ADCY9: variants seen among roughly 807,000 people sequenced by gnomAD.
The protein encoded by ADCY9 is adenylate cyclase type 9.
ADCY9 carries 50 observed loss-of-function variants against 101.5 expected under a neutral mutation model. The observed-to-expected ratio is 0.49, with a 90% CI of 0.39 to 0.62. The LOEUF (loss-of-function observed/expected upper bound fraction) is 0.62, where lower values mean the gene tolerates loss of function less well. ADCY9 is among the 20% of genes least tolerant of loss of function. ADCY9 has a pLI of 0.00. For missense variants in ADCY9, 1,662 were observed against 1,800.4 expected (o/e 0.92, Z 1.39); for synonymous variants, 905 against 769.3 (o/e 1.18, Z -2.92).
At position 4,116,088 on chromosome 16, in the gene ADCY9, G is replaced by T. The variant is rs1315066858; in HGVS notation, c.-442C>A. ...CCCGCGGCGGCGGGCGCTGGGGGTG[G>T]GGGCGCCCCGGGCTGCGAGTGCGCG... On this transcript the variant is annotated 5_prime_UTR_variant, in exon 1 of 11. Transcript: ENST00000294016. 2 of 145,724 alleles carry T rather than the reference G, an allele frequency of 1.4e-5. No individual in the cohort carries two copies. Among genetic ancestry groups the T allele is most frequent in the African/African-American group, 4.9e-5 (2 of 40,714 alleles). 9.0% of individuals were successfully genotyped at this position (145,724 alleles called of 1,614,324 possible). A position where few individuals can be genotyped will look rare whatever the true frequency, so the allele number is the denominator to read the frequency against.
At chr16:3,961,210 G>A (rs2055936068), downstream of ADCY9, among the ~76,000 whole-genome samples, 1 of 152,182 alleles carries the variant, frequency 6.6e-6, no homozygotes, top group Non-Finnish European at 1.5e-5. Context: ...CACTTTGGGA[G>A]GCTGAGGAGG....
rs777897223 is a variant in ADCY9 at position 3,966,997 on chromosome 16, G to A, written c.2871-31C>T. 8 of 1,571,860 alleles carry A rather than the reference G, an allele frequency of 5.1e-6. No homozygotes were observed. The South Asian group carries it at 8.2e-5, about 16-fold the overall frequency. On this transcript the variant is annotated intron_variant, in intron 10 of 10. Transcript: ENST00000294016. ...GAGCAAAGACACGGGAAAGGGAGAG[G>A]TTACTGCTCGGCGCTTCCAAGCTCA...
At chr16:3,957,953 T>C (rs983485570), downstream of ADCY9, among the ~76,000 whole-genome samples, 4 of 151,968 alleles carry the variant, frequency 2.6e-5, no homozygotes, top group Admixed American at 2.0e-4. Flanking sequence ...CGGATTTTGT[T>C]TGATGAGAAA....
At chr16:4,014,892 T>C (rs1222642639) in intron 2 of ADCY9, among the ~76,000 whole-genome samples, 2 of 149,130 alleles carry the variant, frequency 1.3e-5, no homozygotes, top group African/African-American at 4.9e-5. Context: ...CACAGCCAAA[T>C]GGGAATGACA....
In ADCY9 at chr16:4,002,310, A is replaced by T. The variant is rs574444942; in HGVS notation, c.1884+5058T>A. Reference sequence around the variant, plus strand: ...GAATGAAAAGCCCCTTACTTCCTCAAATTGGGCCAACTGAGCCTACTCATA... The same window carrying T: ...GAATGAAAAGCCCCTTACTTCCTCATATTGGGCCAACTGAGCCTACTCATA... On this transcript the variant is annotated intron_variant, in intron 3 of 10. Coordinates refer to ENST00000294016, the MANE Select transcript of ADCY9 (RefSeq NM_001116.4). Among the ~76,000 whole-genome samples, 16 of 152,282 alleles carry T rather than the reference A, an allele frequency of 1.1e-4. No homozygotes were observed. The South Asian group carries it at 2.1e-3, about 20-fold the overall frequency.
intron 2 of ADCY9, among the ~76,000 whole-genome samples, chr16:4,094,619 C>G (rs991550150): frequency 2.0e-5 from 3 of 151,766 alleles, no homozygotes; most frequent in African/African-American, 7.3e-5. Context: ...CAGCAAGACC[C>G]CCATCTCTAA....
intron 2 of ADCY9, among the ~76,000 whole-genome samples, chr16:4,075,164 G>A (rs937035605): frequency 8.3e-6 from 1 of 120,134 alleles, no homozygotes; most frequent in Non-Finnish European, 1.9e-5. Context: ...GTGACAAGGT[G>A]AGACCTGTTA....
intron 2 of ADCY9, among the ~76,000 whole-genome samples, chr16:4,083,897 G>T (rs2056920988): frequency 6.6e-6 from 1 of 152,198 alleles, no homozygotes; most frequent in Non-Finnish European, 1.5e-5. Context: ...TCTCTGTCGA[G>T]TGAAGAAAAC....
chr16:4,087,208 G>A (rs1297846643), intron 2 of ADCY9, among the ~76,000 whole-genome samples: 2 of 151,894 alleles, frequency 1.3e-5, no homozygotes, highest in African/African-American at 2.4e-5. Context: ...GTTTTGTATG[G>A]AGATTCGTTT....
chr16:4,111,014 C>T (rs1362065333), intron 2 of ADCY9, among the ~76,000 whole-genome samples: 1 of 152,182 alleles, frequency 6.6e-6, no homozygotes, highest in East Asian at 1.9e-4. Context: ...ATCCACAGTG[C>T]CAGGTGCACA....
At position 3,965,764 on chromosome 16, in the gene ADCY9, T is replaced by G. The variant is rs757611754; in HGVS notation, c.*11A>C. 10 of 1,596,706 alleles carry G rather than the reference T, an allele frequency of 6.3e-6. No homozygotes were observed. Among genetic ancestry groups the G allele is most frequent in the Non-Finnish European group, 8.5e-6 (10 of 1,170,312 alleles). On this transcript the variant is annotated 3_prime_UTR_variant, in exon 11 of 11. Transcript: ENST00000294016. ...CAAACAGAGCACCTCGGGCAGCGGG[T>G]GGGCGCCGCCTCACACACTCTTTGA...
intron 2 of ADCY9, among the ~76,000 whole-genome samples, chr16:4,056,954 C>T (rs537529626): frequency 6.6e-5 from 10 of 151,192 alleles, no homozygotes; most frequent in African/African-American, 2.4e-4. Context: ...CTTCAGGTGC[C>T]AGGCCTGCCA....
Position 3,964,822 on chromosome 16 carries a change from T to G in ADCY9, c.*953A>C, listed in dbSNP as rs1188772471. 1.3e-5 allele frequency: 2 copies of G among 152,306 alleles called. No individual in the cohort carries two copies. The highest frequency in any genetic ancestry group is 4.8e-5 in the African/African-American group (2 of 41,468). The allele number at this position is 152,306 out of a possible 1,614,324, so 9.4% of individuals were successfully genotyped here. ...CCTTCCTGGGAACTGCCCTCCCCTG[T>G]GGCTATGACCCCCCACCCTGAGGAC... On this transcript the variant is annotated 3_prime_UTR_variant, in exon 11 of 11. Transcript: ENST00000294016.
chr16:3,976,460 C>G (rs964714436), intron 9 of ADCY9, among the ~76,000 whole-genome samples: 3 of 152,080 alleles, frequency 2.0e-5, no homozygotes, highest in Non-Finnish European at 4.4e-5. Flanking sequence ...GGGCTTGTCC[C>G]CAGAGGTCTA....
intron 2 of ADCY9, among the ~76,000 whole-genome samples, chr16:4,064,535 C>T (rs1223954896): frequency 6.6e-6 from 1 of 152,144 alleles, no homozygotes; most frequent in Non-Finnish European, 1.5e-5. Flanking sequence ...TACAATGGCA[C>T]AATCAGAGCT....
chr16:4,037,630 T>C (rs74626637), intron 2 of ADCY9, among the ~76,000 whole-genome samples: 2,229 of 152,344 alleles, frequency 0.015, 20 homozygotes, highest in Non-Finnish European at 0.02. Flanking sequence ...CTTCTTAATA[T>C]TATTCTCATA....
At chr16:3,989,233 G>C in intron 5 of ADCY9, 137 bp from the exon 6 acceptor site, 1 of 622,060 alleles carries the variant, frequency 1.6e-6, no homozygotes, top group Non-Finnish European at 2.9e-6. Flanking sequence ...CTGTGGAACA[G>C]ACGCCACTCA....
At chr16:4,084,022 T>C (rs1400116303) in intron 2 of ADCY9, among the ~76,000 whole-genome samples, 1 of 152,200 alleles carries the variant, frequency 6.6e-6, no homozygotes, top group Non-Finnish European at 1.5e-5. Context: ...GTTTGTTTTG[T>C]GTTTTTCTTT....
intron 2 of ADCY9, among the ~76,000 whole-genome samples, chr16:4,055,650 G>A (rs938731162): frequency 3.9e-5 from 6 of 151,904 alleles, no homozygotes; most frequent in Admixed American, 6.6e-5. Flanking sequence ...CGGCTAACAC[G>A]GTGAAACCCC....
Sources: gnomAD v4.1 joint callset for allele counts (sites outside exome capture counted in the v4.1 genomes callset) on GRCh38, gnomAD v4.1.1 for gene constraint, MANE v1.5 for transcripts, NCBI Gene and HGNC (gene_info 2026-07-23, HGNC 2026-07-21) for gene names.